Variants in CRISPLD2 observed in about 807,000 individuals in gnomAD.
CRISPLD2 encodes cysteine-rich secretory protein LCCL domain-containing 2.
In CRISPLD2, 47 loss-of-function variants were observed where a neutral mutation model predicts 71.1. The observed-to-expected ratio is 0.66, with a 90% CI of 0.52 to 0.84. The LOEUF (loss-of-function observed/expected upper bound fraction) is 0.84. CRISPLD2 is among the 40% of genes least tolerant of loss of function. CRISPLD2 has a pLI of 0.00. For missense variants in CRISPLD2, 830 were observed against 651.1 expected, an observed-to-expected ratio of 1.27 and a Z score of -2.99; for synonymous variants, 317 against 250.1, an observed-to-expected ratio of 1.27 and a Z score of -2.52.
In CRISPLD2 at chr16:84,866,992, G is replaced by A. The variant is rs962627684; in HGVS notation, c.805G>A (p.Val269Met). 6 of 1,614,058 alleles carry A rather than the reference G, an allele frequency of 3.7e-6. No individual in the cohort carries two copies. Among genetic ancestry groups the A allele is most frequent in the South Asian group, 1.1e-5 (1 of 91,068 alleles). Residue 269 changes from valine (V) to methionine (M), a missense_variant, in exon 7 of 15, where the codon GTG becomes ATG. Transcript: ENST00000262424. ...EENHVWLQPR[V>M]MRPTKPKKTS... Reference sequence around the variant, plus strand: ...AAACCATGTTTGGCTCCAACCGAGGGTGATGAGACCCACCAAGCCCAAGAA... The same window carrying A: ...AAACCATGTTTGGCTCCAACCGAGGATGATGAGACCCACCAAGCCCAAGAA...
chr16:84,821,779 T>C (rs532260885), intron 1 of CRISPLD2, among the ~76,000 whole-genome samples: 1 of 152,338 alleles, frequency 6.6e-6, no homozygotes, highest in South Asian at 2.1e-4. Context: ...TAATGCCATT[T>C]GTAATAATAC....
chr16:84,885,228 A>G (rs568199241), intron 13 of CRISPLD2, among the ~76,000 whole-genome samples: 5 of 152,150 alleles, frequency 3.3e-5, no homozygotes, highest in Non-Finnish European at 7.4e-5. Flanking sequence ...GGAAAGAACA[A>G]TGAGCTTAAT....
At chr16:84,893,049 A>C (rs1476501575) in intron 14 of CRISPLD2, among the ~76,000 whole-genome samples, 2 of 150,370 alleles carry the variant, frequency 1.3e-5, no homozygotes, top group African/African-American at 4.9e-5. Flanking sequence ...GACCCAGGGC[A>C]CAGATGATTG....
chr16:84,841,462 A>C (rs1433252174), intron 2 of CRISPLD2, among the ~76,000 whole-genome samples: 1 of 152,190 alleles, frequency 6.6e-6, no homozygotes, highest in Non-Finnish European at 1.5e-5. Flanking sequence ...CAAATCACAC[A>C]GGGCTTTGAG....
chr16:84,886,796 C>G (rs565191984), intron 13 of CRISPLD2, among the ~76,000 whole-genome samples: 1 of 152,212 alleles, frequency 6.6e-6, no homozygotes, highest in Non-Finnish European at 1.5e-5. Context: ...GCCTGGGTGA[C>G]AAAGTGAGAT....
At chr16:84,847,377 C>G (rs962459762) in intron 3 of CRISPLD2, among the ~76,000 whole-genome samples, 116 of 152,260 alleles carry the variant, frequency 7.6e-4, no homozygotes, top group African/African-American at 2.6e-3. Flanking sequence ...ACAGGCTGGG[C>G]AAGGTGGCTC....
At chr16:84,889,427 T>C in intron 14 of CRISPLD2, 64 bp downstream of exon 14, 1 of 1,540,678 alleles carries the variant, frequency 6.5e-7, no homozygotes, top group Non-Finnish European at 8.8e-7. Flanking sequence ...TCAGGGGGCC[T>C]GGGAAGAGGC....
At chr16:84,881,256 G>A (rs1274954185) in intron 13 of CRISPLD2, among the ~76,000 whole-genome samples, 1 of 152,218 alleles carries the variant, frequency 6.6e-6, no homozygotes, top group African/African-American at 2.4e-5. Context: ...TTTCTTCTCA[G>A]TTATGCACAC....
intron 12 of CRISPLD2, among the ~76,000 whole-genome samples, chr16:84,878,421 T>G (rs891564350): frequency 5.0e-5 from 7 of 140,360 alleles, no homozygotes; most frequent in Non-Finnish European, 1.0e-4. Context: ...TCAGCAAAAT[T>G]ATGGCGCCGT....
Position 84,889,380 on chromosome 16 carries a change from C to T in CRISPLD2, c.1439+17C>T. 1 of 1,597,726 alleles carries T rather than the reference C, an allele frequency of 6.3e-7. No homozygotes were observed. Among genetic ancestry groups the T allele is most frequent in the Non-Finnish European group, 8.5e-7 (1 of 1,169,660 alleles). ...GTCTGAAAGGTAGGGTGGTGTTCTC[C>T]AACCCTTGACACCCAATCCCGGCTG... On this transcript the variant is annotated intron_variant, in intron 14 of 14. Transcript: ENST00000262424.
intron 5 of CRISPLD2, 33 bp downstream of exon 5, chr16:84,850,716 G>A (rs760122080): frequency 6.4e-7 from 1 of 1,562,436 alleles, no homozygotes; most frequent in Non-Finnish European, 8.8e-7. Flanking sequence ...TATGGGGTGG[G>A]GGTTGGGATG....
intron 1 of CRISPLD2, among the ~76,000 whole-genome samples, chr16:84,829,952 T>A (rs371362922): frequency 3.3e-5 from 5 of 152,340 alleles, no homozygotes; most frequent in East Asian, 1.9e-4. Flanking sequence ...TAAAGTTGAT[T>A]GAACAAGGCT....
intron 6 of CRISPLD2, among the ~76,000 whole-genome samples, chr16:84,859,140 A>G (rs1367157821): frequency 6.6e-6 from 1 of 152,132 alleles, no homozygotes; most frequent in Non-Finnish European, 1.5e-5. Flanking sequence ...TCCCACCATA[A>G]TAGCCCTCCC....
In CRISPLD2 at chr16:84,873,903, T is replaced by G. The variant is rs563113670; in HGVS notation, c.1113-17T>G. ...ATTTACCTAATGCCCGTTTTTTTTT[T>G]TTTTTTTTTTAAACAGCAAATACAA... is the stretch of plus-strand genomic sequence containing the variant. On this transcript the variant is annotated splice_polypyrimidine_tract_variant and intron_variant, in intron 10 of 14. Transcript: ENST00000262424. The G allele has an allele frequency of 1.8e-5, 28 of 1,577,948 alleles. No homozygotes were observed. In the East Asian group the frequency reaches 2.0e-4, roughly 11 times the overall value.
At chr16:84,886,756 G>C (rs1343113940) in intron 13 of CRISPLD2, among the ~76,000 whole-genome samples, 1 of 152,178 alleles carries the variant, frequency 6.6e-6, no homozygotes, top group African/African-American at 2.4e-5. Flanking sequence ...TCAAAGCTCT[G>C]ATGAGCCCAG....
chr16:84,838,653 G>T lies in CRISPLD2; in HGVS notation c.158G>T (p.Arg53Met), dbSNP rs906789199. Residue 53 changes from arginine (R) to methionine (M), a missense_variant, in exon 2 of 15, where the codon AGG (arginine) becomes ATG (methionine). Transcript: ENST00000262424. ...TCCCGGGTCCGCAGAGCCATCCCCAGGGAGGACAAGGAGGAGATCCTCATG... is the reference window on the plus strand; with the variant it reads ...TCCCGGGTCCGCAGAGCCATCCCCATGGAGGACAAGGAGGAGATCCTCATG... Reference protein sequence around the residue: ...SHSRVRRAIPREDKEEILMLH... With the variant: ...SHSRVRRAIPMEDKEEILMLH... The T allele has an allele frequency of 6.2e-7, 1 of 1,614,130 alleles. No individual in the cohort carries two copies. Among genetic ancestry groups the T allele is most frequent in the Non-Finnish European group, 8.5e-7 (1 of 1,180,052 alleles).
intron 13 of CRISPLD2, among the ~76,000 whole-genome samples, chr16:84,885,015 A>G (rs1480860555): frequency 6.6e-6 from 1 of 152,230 alleles, no homozygotes; most frequent in East Asian, 1.9e-4. Flanking sequence ...AGCAATGCTG[A>G]GAGAGACAGA....
At chr16:84,874,670 G>C (rs184574230) in intron 11 of CRISPLD2, among the ~76,000 whole-genome samples, 1 of 152,150 alleles carries the variant, frequency 6.6e-6, no homozygotes, top group Non-Finnish European at 1.5e-5. Flanking sequence ...AAAAGTTCTA[G>C]TTAGATATCT....
Position 84,838,444 on chromosome 16 carries a change from C to G in CRISPLD2, c.-52C>G. The stretch of plus-strand genomic sequence containing the variant: ...CAGAGCTCAAGCGCCCAGCTCTGCC[C>G]GAGGAGCCCAGGCTGCCCCGTGAGT... On this transcript the variant is annotated 5_prime_UTR_variant, in exon 2 of 15. Transcript: ENST00000262424. 1.3e-6 allele frequency: 2 copies of G among 1,585,152 alleles called. No homozygotes were observed. Among genetic ancestry groups the G allele is most frequent in the Non-Finnish European group, 1.7e-6 (2 of 1,164,162 alleles).
Sources: allele counts gnomAD v4.1 joint callset (sites outside exome capture counted in the v4.1 genomes callset), GRCh38; gene constraint gnomAD v4.1.1; transcripts MANE v1.5; gene names NCBI Gene and HGNC (gene_info 2026-07-23, HGNC 2026-07-21).